The following ZNF431 variants were observed in gnomAD, a reference collection of about 807,000 sequenced individuals.
The protein encoded by ZNF431 is zinc finger protein 431.
A neutral mutation model predicts 57.0 loss-of-function variants in ZNF431; 34 were observed. That is an observed-to-expected ratio of 0.60 (90% CI 0.45 to 0.79). The LOEUF (loss-of-function observed/expected upper bound fraction) is 0.79. Among genes scored for constraint, ZNF431 ranks in the 30% least tolerant of loss-of-function variants. The probability of loss-of-function intolerance (pLI) is 0.00; values close to 1 mark genes in which losing one functional copy is unlikely to be tolerated. For synonymous variants in ZNF431, 207 were observed against 220.3 expected (o/e 0.94, Z 0.54); for missense variants, 607 against 667.1 (o/e 0.91, Z 0.99).
At chr19:21,176,213 A>C (rs1971047756) in intron 4 of ZNF431, among the ~76,000 whole-genome samples, 1 of 149,612 alleles carries the variant, frequency 6.7e-6, no homozygotes, top group African/African-American at 2.5e-5. Flanking sequence ...TCTTTTGAGA[A>C]GTGTTTCTTC....
intron 2 of ZNF431, among the ~76,000 whole-genome samples, chr19:21,152,288 C>T (rs187848343): frequency 4.6e-5 from 7 of 152,268 alleles, no homozygotes; most frequent in Non-Finnish European, 7.3e-5. Context: ...AGGCAAAGAG[C>T]TGAGGGGTCC....
chr19:21,158,910 A>C (rs755235988), intron 2 of ZNF431, among the ~76,000 whole-genome samples: 34 of 152,132 alleles, frequency 2.2e-4, no homozygotes, highest in Admixed American at 1.3e-3. Context: ...GTTTTCAAGG[A>C]GGAATGCATC....
rs544134722 is a variant in ZNF431 at position 21,167,756 on chromosome 19, G to A, written c.319+90G>A. The A allele has an allele frequency of 2.0e-5, 18 of 890,312 alleles. No homozygotes were observed. In the East Asian group the frequency reaches 6.3e-4, roughly 31 times the overall value. The allele number at this position is 890,312 out of a possible 1,614,324, so 55.2% of individuals were successfully genotyped here. On this transcript the variant is annotated intron_variant, in intron 4 of 4. Transcript: ENST00000311048. The stretch of plus-strand genomic sequence containing the variant: ...GTGCCAGTCCTTACAATGTGTTTTG[G>A]GAAGCTGTGTTATAAAGCATGTAGT...
chr19:21,170,599 C>G (rs1160219784), intron 4 of ZNF431, among the ~76,000 whole-genome samples: 1 of 150,600 alleles, frequency 6.6e-6, no homozygotes, highest in African/African-American at 2.4e-5. Flanking sequence ...GATTTTCACC[C>G]ACTTTCTTCA....
Position 21,166,815 on chromosome 19 carries a change from T to C in ZNF431, c.223+354T>C, listed in dbSNP as rs116566507. ...CTACAAATTTAAAATATTTTCTAAA[T>C]AGTTAGAGATGTCTCTCTTTAATCA... On this transcript the variant is annotated intron_variant, in intron 3 of 4. Coordinates refer to ENST00000311048, the MANE Select transcript of ZNF431 (RefSeq NM_133473.4). Among the ~76,000 whole-genome samples the C allele has an allele frequency of 7.5e-3, 1,137 of 152,332 alleles. 13 individuals are homozygous for C. Among genetic ancestry groups the C allele is most frequent in the African/African-American group, 0.026 (1,067 of 41,580 alleles).
chr19:21,145,375 G>A (rs1312626157), intron 2 of ZNF431, among the ~76,000 whole-genome samples: 1 of 152,230 alleles, frequency 6.6e-6, no homozygotes, highest in East Asian at 1.9e-4. Flanking sequence ...TACTCGGGAG[G>A]CTGAGGCAGG....
In ZNF431 at chr19:21,183,012, TGTGGCAAAGCTTTTAAATG is replaced by T. The variant is rs1971253073; in HGVS notation, c.712_730del (p.Gly238SerfsTer37). Reference sequence around the variant, plus strand: ...AGAGAATTCTTACCAATGTGAAGAATGTGGCAAAGCTTTTAAATGGTTCTCAACCCTTACTAGACACAAG... The same window carrying T: ...AGAGAATTCTTACCAATGTGAAGAATGTTCTCAACCCTTACTAGACACAAG... On this transcript the variant is annotated frameshift_variant, in exon 5 of 5. Coordinates refer to ENST00000311048, the MANE Select transcript of ZNF431 (RefSeq NM_133473.4). LOFTEE classifies it high-confidence loss of function. The T allele has an allele frequency of 6.2e-7, 1 of 1,614,022 alleles. No homozygotes were observed. The highest frequency in any genetic ancestry group is 1.1e-5 in the South Asian group (1 of 91,090).
intron 2 of ZNF431, chr19:21,162,625 C>T: frequency 4.4e-6 from 3 of 681,896 alleles, no homozygotes; most frequent in South Asian, 6.7e-5. Flanking sequence ...TTTTTGGAGC[C>T]CTTATTTAGG....
chr19:21,154,488 A>C (rs1009985168), intron 2 of ZNF431, among the ~76,000 whole-genome samples: 1 of 152,202 alleles, frequency 6.6e-6, no homozygotes, highest in East Asian at 1.9e-4. Context: ...ATATGTGTGC[A>C]TGTGTCTTTA....
At chr19:21,163,863 G>C (rs1412868663) in intron 2 of ZNF431, among the ~76,000 whole-genome samples, 1 of 151,908 alleles carries the variant, frequency 6.6e-6, no homozygotes, top group Admixed American at 6.6e-5. Context: ...TTGAGAGGCA[G>C]TGCTTATCAG....
At chr19:21,163,648 A>C (rs1970639934) in intron 2 of ZNF431, among the ~76,000 whole-genome samples, 3 of 151,932 alleles carry the variant, frequency 2.0e-5, no homozygotes. Flanking sequence ...CAGCCTCCTG[A>C]GTAGCTGGGA....
chr19:21,159,288 A>T (rs1174369964), intron 2 of ZNF431, among the ~76,000 whole-genome samples: 1 of 151,958 alleles, frequency 6.6e-6, no homozygotes, highest in East Asian at 1.9e-4. Context: ...TTTTTGTTTT[A>T]TCTCTGCCAG....
At chr19:21,145,870 A>G (rs1348044512) in intron 2 of ZNF431, among the ~76,000 whole-genome samples, 1 of 152,156 alleles carries the variant, frequency 6.6e-6, no homozygotes, top group African/African-American at 2.4e-5. Flanking sequence ...GGGAATGGCA[A>G]ATGAACCGTG....
chr19:21,189,476 CAA>C lies in ZNF431; in HGVS notation c.*5455_*5456del, dbSNP rs762632162. The C allele has an allele frequency of 1.5e-5, 2 of 129,392 alleles. No homozygotes were observed. The highest frequency in any genetic ancestry group is 7.9e-5 in the Admixed American group (1 of 12,666). 8.0% of individuals were successfully genotyped at this position (129,392 alleles called of 1,614,324 possible). On this transcript the variant is annotated 3_prime_UTR_variant, in exon 5 of 5. Coordinates refer to ENST00000311048, the MANE Select transcript of ZNF431 (RefSeq NM_133473.4). ...CCAGACTGGGGGACAGAGTGACTATCAAAAAAAAAAAAAACTTTACCTCATAT... is the reference window on the plus strand; with the variant it reads ...CCAGACTGGGGGACAGAGTGACTATCAAAAAAAAAAAACTTTACCTCATAT...
rs570717230 is a variant in ZNF431, at chr19:21,191,451, C to CA, written c.*7432dup. ...TTGGCAACAGAATGAAACTCTGTCT[C>CA]AAAAAAAAAAAAAAATTTGCTGCCC... On this transcript the variant is annotated 3_prime_UTR_variant, in exon 5 of 5. Transcript: ENST00000311048. 1,504 of 135,650 alleles carry CA rather than the reference C, an allele frequency of 0.011. 5 individuals are homozygous for CA. The highest frequency in any genetic ancestry group is 0.027 in the South Asian group (113 of 4,212). The allele number at this position is 135,650 out of a possible 1,614,324, so 8.4% of individuals were successfully genotyped here.
intron 2 of ZNF431, among the ~76,000 whole-genome samples, chr19:21,164,257 T>C (rs1368757159): frequency 6.6e-6 from 1 of 152,040 alleles, no homozygotes; most frequent in Non-Finnish European, 1.5e-5. Context: ...AAGTGCCACC[T>C]TTGTACTAAA....
At position 21,167,682 on chromosome 19, in the gene ZNF431, A is replaced by G. The variant is rs767143470; in HGVS notation, c.319+16A>G. 7 of 1,529,382 alleles carry G rather than the reference A, an allele frequency of 4.6e-6. 1 individual carries two copies. In the South Asian group the frequency reaches 8.6e-5, roughly 19 times the overall value. The allele number at this position is 1,529,382 out of a possible 1,614,324, so 94.7% of individuals were successfully genotyped here. On this transcript the variant is annotated intron_variant, in intron 4 of 4. Coordinates refer to ENST00000311048, the MANE Select transcript of ZNF431 (RefSeq NM_133473.4). Reference sequence around the variant, plus strand: ...GAACCCCCAGGTAGGTGAGAGTGAAAAAAAACAGATGACACAGATGAGAGG... The same window carrying G: ...GAACCCCCAGGTAGGTGAGAGTGAAGAAAAACAGATGACACAGATGAGAGG...
chr19:21,162,363 A>G (rs754029915), intron 2 of ZNF431, among the ~76,000 whole-genome samples: 36 of 152,174 alleles, frequency 2.4e-4, no homozygotes, highest in South Asian at 1.0e-3. Context: ...TAGTAGAGAC[A>G]GGGTTTCACC....
chr19:21,191,346 A>T lies in ZNF431; in HGVS notation c.*7312A>T, dbSNP rs1438235168. On this transcript the variant is annotated 3_prime_UTR_variant, in exon 5 of 5. Coordinates refer to ENST00000311048, the MANE Select transcript of ZNF431 (RefSeq NM_133473.4). ...CACGTGTCTATAATCTCAGCTACTC[A>T]GGAGGCTGAGGCAGGGGAACGGCTT... 6.6e-6 allele frequency: 1 copy of T among 151,966 alleles called. No homozygotes were observed. Among genetic ancestry groups the T allele is most frequent in the Non-Finnish European group, 1.5e-5 (1 of 68,036 alleles). The allele number at this position is 151,966 out of a possible 1,614,324, so 9.4% of individuals were successfully genotyped here.
Sources: gnomAD v4.1 joint callset for allele counts (sites outside exome capture counted in the v4.1 genomes callset) on GRCh38, gnomAD v4.1.1 for gene constraint, MANE v1.5 for transcripts, NCBI Gene and HGNC (gene_info 2026-07-23, HGNC 2026-07-21) for gene names.